Variants in ANKRD12 observed in about 807,000 individuals in gnomAD.
The protein encoded by ANKRD12 is ankyrin repeat domain-containing protein 12.
In ANKRD12, 85 loss-of-function variants were observed where a neutral mutation model predicts 183.4. The observed-to-expected ratio is 0.46, with a 90% CI of 0.39 to 0.56. The LOEUF is 0.56. Among genes scored for constraint, ANKRD12 ranks in the 20% least tolerant of loss-of-function variants. ANKRD12 has a pLI of 0.00. For missense variants in ANKRD12, 2,405 were observed against 2,357.1 expected, an observed-to-expected ratio of 1.02 and a Z score of -0.42; for synonymous variants, 914 against 800.2, an observed-to-expected ratio of 1.14 and a Z score of -2.40.
At chr18:9,186,784 T>C (rs2034099067) in intron 2 of ANKRD12, among the ~76,000 whole-genome samples, 1 of 146,848 alleles carries the variant, frequency 6.8e-6, no homozygotes, top group African/African-American at 2.5e-5. Flanking sequence ...GGAGTCTCGC[T>C]CTTTTTCCCC....
chr18:9,244,392 C>T (rs145948032), intron 8 of ANKRD12, among the ~76,000 whole-genome samples: 12 of 151,906 alleles, frequency 7.9e-5, no homozygotes, highest in African/African-American at 2.9e-4. Flanking sequence ...GCTATATTGC[C>T]CAGGCTGGTC....
rs2040161079 is a variant in ANKRD12, at chr18:9,283,161, G to A, written c.*2035G>A. On this transcript the variant is annotated 3_prime_UTR_variant, in exon 13 of 13. Coordinates refer to ENST00000262126, the MANE Select transcript of ANKRD12 (RefSeq NM_015208.5). ...ATAAAAAACCAGATAATTGAACTTT[G>A]AAGTTATAGAAAATCAGAGAGGGGT... is the stretch of plus-strand genomic sequence containing the variant. 6.6e-6 allele frequency: 1 copy of A among 152,156 alleles called. No homozygotes were observed. Among genetic ancestry groups the A allele is most frequent in the South Asian group, 2.1e-4 (1 of 4,832 alleles). 9.4% of individuals were successfully genotyped at this position (152,156 alleles called of 1,614,324 possible).
At chr18:9,172,452 A>G (rs1016629992) in intron 1 of ANKRD12, among the ~76,000 whole-genome samples, 2 of 151,948 alleles carry the variant, frequency 1.3e-5, no homozygotes, top group African/African-American at 2.4e-5. Context: ...TTGTTTGCCT[A>G]TCTTATTTCA....
At chr18:9,167,617 G>A (rs2032219827) in intron 1 of ANKRD12, among the ~76,000 whole-genome samples, 1 of 152,156 alleles carries the variant, frequency 6.6e-6, no homozygotes, top group South Asian at 2.1e-4. Context: ...GAGATTTTGG[G>A]CTGAGACGAT....
At chr18:9,168,037 T>C (rs2032276385) in intron 1 of ANKRD12, among the ~76,000 whole-genome samples, 2 of 152,238 alleles carry the variant, frequency 1.3e-5, no homozygotes, top group South Asian at 2.1e-4. Flanking sequence ...TTTGCATATG[T>C]TGAACCAGCC....
intron 8 of ANKRD12, among the ~76,000 whole-genome samples, chr18:9,238,188 C>A (rs1162974982): frequency 6.6e-6 from 1 of 152,138 alleles, no homozygotes; most frequent in Non-Finnish European, 1.5e-5. Flanking sequence ...TTCTCAATTT[C>A]CTCCTAGATT....
chr18:9,138,349 A>G (rs1011586237), intron 1 of ANKRD12, among the ~76,000 whole-genome samples: 10 of 152,134 alleles, frequency 6.6e-5, no homozygotes, highest in Non-Finnish European at 1.0e-4. Context: ...CCCCGTCTCT[A>G]CTAAATATAC....
chr18:9,225,745 C>T (rs377556253), intron 8 of ANKRD12, among the ~76,000 whole-genome samples: 28 of 152,176 alleles, frequency 1.8e-4, no homozygotes, highest in Non-Finnish European at 2.8e-4. Flanking sequence ...TACCCACTTA[C>T]AATTTGTGCT....
intron 8 of ANKRD12, among the ~76,000 whole-genome samples, chr18:9,242,092 T>G (rs531802045): frequency 1.3e-5 from 2 of 152,226 alleles, no homozygotes; most frequent in South Asian, 4.1e-4. Flanking sequence ...CAAATTCTGC[T>G]TGCAGCTGCA....
chr18:9,262,147 A>G (rs1230488010), intron 9 of ANKRD12, among the ~76,000 whole-genome samples: 2 of 152,190 alleles, frequency 1.3e-5, no homozygotes, highest in Admixed American at 6.5e-5. Context: ...AATGCTGATT[A>G]TAGAGTCTGT....
intron 8 of ANKRD12, among the ~76,000 whole-genome samples, chr18:9,237,843 C>T (rs184375402): frequency 1.2e-4 from 18 of 152,228 alleles, no homozygotes; most frequent in African/African-American, 3.1e-4. Context: ...AAAGTACAGT[C>T]GGACACAATC....
intron 6 of ANKRD12, among the ~76,000 whole-genome samples, chr18:9,212,285 C>T (rs957056302): frequency 6.6e-6 from 1 of 151,978 alleles, no homozygotes; most frequent in Non-Finnish European, 1.5e-5. Context: ...CAACCCTACC[C>T]TCCCTCCCAC....
At chr18:9,241,130 A>G (rs1054971686) in intron 8 of ANKRD12, among the ~76,000 whole-genome samples, 5 of 152,136 alleles carry the variant, frequency 3.3e-5, no homozygotes, top group Non-Finnish European at 7.4e-5. Context: ...GAGAAGCATT[A>G]GCTTAGGAAG....
Position 9,258,675 on chromosome 18 carries a change from T to A in ANKRD12, c.5408T>A (p.Leu1803Gln). Residue 1803 changes from leucine to glutamine, a missense_variant, in exon 9 of 13, where the codon CTA becomes CAA. Coordinates refer to ENST00000262126, the MANE Select transcript of ANKRD12 (RefSeq NM_015208.5). Reference protein sequence around the residue: ...PQPVQVSPSLLQAKEKTQQSL... With the variant: ...PQPVQVSPSLQQAKEKTQQSL... ...CCTGTGCAAGTGAGTCCCTCTTTAC[T>A]ACAAGCAAAAGAGAAAACTCAGCAA... The A allele has an allele frequency of 6.2e-7, 1 of 1,613,920 alleles. No individual in the cohort carries two copies. The highest frequency in any genetic ancestry group is 1.3e-5 in the African/African-American group (1 of 75,022).
chr18:9,257,122 T>C lies in ANKRD12; in HGVS notation c.3855T>C (p.His1285=). 1 of 1,614,120 alleles carries C rather than the reference T, an allele frequency of 6.2e-7. No individual in the cohort carries two copies. The highest frequency in any genetic ancestry group is 1.3e-5 in the African/African-American group (1 of 75,034). ...ATGCAAACAGACTTTCAACATCCCA[T>C]CTTAGGTCATCTTCTGTAGAAGATG... The part of the protein sequence containing the change: ...PPYANRLSTS[H]LRSSSVEDVK... The change falls in exon 9 of 13, where the codon CAT becomes CAC. Residue 1285 remains histidine (H), a synonymous_variant. Coordinates refer to ENST00000262126, the MANE Select transcript of ANKRD12 (RefSeq NM_015208.5).
intron 2 of ANKRD12, among the ~76,000 whole-genome samples, chr18:9,194,427 G>A (rs1309552524): frequency 2.6e-5 from 4 of 151,892 alleles, no homozygotes; most frequent in African/African-American, 9.7e-5. Flanking sequence ...TATGATCTCA[G>A]CTCACTGAAG....
intron 4 of ANKRD12, among the ~76,000 whole-genome samples, chr18:9,206,535 GTC>G (rs2035494391): frequency 6.6e-6 from 1 of 152,024 alleles, no homozygotes; most frequent in African/African-American, 2.4e-5. Flanking sequence ...CAGTGTAGTT[GTC>G]TCTATCCTAG....
At chr18:9,249,245 T>C (rs1326159953) in intron 8 of ANKRD12, among the ~76,000 whole-genome samples, 4 of 152,144 alleles carry the variant, frequency 2.6e-5, no homozygotes, top group African/African-American at 4.8e-5. Flanking sequence ...ATGGGTCTTC[T>C]TTTCCCTCAG....
At position 9,257,284 on chromosome 18, in the gene ANKRD12, A is replaced by G; in HGVS notation, c.4017A>G (p.Pro1339=). Reference sequence around the variant, plus strand: ...ATCAAGGTAGCTTATTAACTGTGCCAGGAGATACTAGTCCTTCTCCCAAAC... The same window carrying G: ...ATCAAGGTAGCTTATTAACTGTGCCGGGAGATACTAGTCCTTCTCCCAAAC... The part of the protein sequence containing the change: ...ESNQGSLLTV[P]GDTSPSPKPE... Residue 1339 remains proline (P), a synonymous_variant, in exon 9 of 13, where the codon CCA becomes CCG. Transcript: ENST00000262126. The G allele has an allele frequency of 5.0e-6, 8 of 1,614,152 alleles. No homozygotes were observed. Among genetic ancestry groups the G allele is most frequent in the Non-Finnish European group, 6.8e-6 (8 of 1,179,982 alleles).
Sources: allele counts gnomAD v4.1 joint callset (sites outside exome capture counted in the v4.1 genomes callset), GRCh38; gene constraint gnomAD v4.1.1; transcripts MANE v1.5; gene names NCBI Gene and HGNC (gene_info 2026-07-23, HGNC 2026-07-21).